QSOX2: variants seen among roughly 807,000 people sequenced by gnomAD.
QSOX2 encodes quiescin sulfhydryl oxidase 2, also known as sulfhydryl oxidase 2.
Under a neutral mutation model 61.7 loss-of-function variants are expected in QSOX2, and 46 were observed. The observed-to-expected ratio is 0.75, with a 90% CI of 0.59 to 0.95. The LOEUF is 0.95. Among genes scored for constraint, QSOX2 ranks in the 40% least tolerant of loss-of-function variants. The pLI, the probability that QSOX2 is intolerant of heterozygous loss-of-function variation, is 0.00. For missense variants in QSOX2, 879 were observed against 918.9 expected, an observed-to-expected ratio of 0.96 and a Z score of 0.56; for synonymous variants, 383 against 388.4, an observed-to-expected ratio of 0.99 and a Z score of 0.16.
chr9:136,219,350 A>C (rs1831954204), intron 6 of QSOX2, among the ~76,000 whole-genome samples, 186 bp from the exon 7 acceptor site: 1 of 152,192 alleles, frequency 6.6e-6, no homozygotes, highest in African/African-American at 2.4e-5. Flanking sequence ...CTGGGGGATA[A>C]GAGGAGACAC....
chr9:136,235,826 G>A (rs905231210), intron 1 of QSOX2, among the ~76,000 whole-genome samples: 2 of 152,196 alleles, frequency 1.3e-5, no homozygotes, highest in Admixed American at 1.3e-4. Flanking sequence ...CAAGACCACG[G>A]ACTCCGGGCA....
chr9:136,219,254 C>T lies in QSOX2; in HGVS notation c.822-90G>A, dbSNP rs987342419. 2.8e-6 allele frequency: 4 copies of T among 1,445,026 alleles called. No individual in the cohort carries two copies. In the African/African-American group the frequency reaches 4.3e-5, roughly 15 times the overall value. 89.5% of individuals were successfully genotyped at this position (1,445,026 alleles called of 1,614,324 possible). On this transcript the variant is annotated intron_variant, in intron 6 of 11. Coordinates refer to ENST00000358701, the MANE Select transcript of QSOX2 (RefSeq NM_181701.4). ...TGGCATTCAGGACAGCTCTGGGCCA[C>T]CCCTTTCATCCTTTGGGCATTTATT...
intron 9 of QSOX2, 67 bp from the exon 10 acceptor site, chr9:136,215,371 A>C: frequency 1.3e-5 from 13 of 963,052 alleles, no homozygotes; most frequent in East Asian, 6.7e-5. Context: ...AAAACAGTCG[A>C]CAGCTGCCTT....
At chr9:136,227,632 C>G (rs531595883) in intron 1 of QSOX2, among the ~76,000 whole-genome samples, 3 of 152,304 alleles carry the variant, frequency 2.0e-5, no homozygotes, top group African/African-American at 7.2e-5. Context: ...CACAACAAAT[C>G]TCAGCACGTC....
At position 136,209,957 on chromosome 9, in the gene QSOX2, C is replaced by T. The variant is rs1345879303; in HGVS notation, c.1550-682G>A. ...CGCCTCCTAGCTCTCGGAGCCCCTG[C>T]GACCCGACTTGCTGACACCTGGCCA... On this transcript the variant is annotated intron_variant, in intron 11 of 11. Transcript: ENST00000358701. This position sits in a 1 kb window ranked among gnomAD's most constrained non-coding sequence, Gnocchi z 5.6. 4 of 985,304 alleles carry T rather than the reference C, an allele frequency of 4.1e-6. No homozygotes were observed. Among genetic ancestry groups the T allele is most frequent in the Admixed American group, 6.1e-5 (1 of 16,274 alleles). The allele number at this position is 985,304 out of a possible 1,614,324, so 61.0% of individuals were successfully genotyped here.
At chr9:136,217,058 GGGCTTGCTGATTTATTCTGCCTTCC>G (rs1831922645) in intron 8 of QSOX2, among the ~76,000 whole-genome samples, 1 of 152,236 alleles carries the variant, frequency 6.6e-6, no homozygotes, top group African/African-American at 2.4e-5. Context: ...GAGCTGGCGG[GGGCTTGCTGATTTATTCTGCCTTCC>G]TCACGAGGAG....
In QSOX2 at chr9:136,218,738, T is replaced by C; in HGVS notation, c.1027A>G (p.Lys343Glu). 6.2e-7 allele frequency: 1 copy of C among 1,613,702 alleles called. No individual in the cohort carries two copies. The change falls in exon 8 of 12, where the codon AAG becomes GAG. Residue 343 changes from lysine (K) to glutamate (E), a missense_variant. By Grantham distance (56) the Lys-to-Glu change is moderately conservative. Coordinates refer to ENST00000358701, the MANE Select transcript of QSOX2 (RefSeq NM_181701.4). ...TTCAGCTCTGCTCCGGCCAGGGACT[T>C]GTGGGCTGCCAGCTCCACCCGCAGG... ...YLLRVELAAHKSLAGAELKTL... is the reference protein window; with the variant it reads ...YLLRVELAAHESLAGAELKTL...
At position 136,218,740 on chromosome 9, in the gene QSOX2, T is replaced by A; in HGVS notation, c.1025A>T (p.His342Leu). 3.1e-6 allele frequency: 5 copies of A among 1,613,676 alleles called. No individual in the cohort carries two copies. The highest frequency in any genetic ancestry group is 4.2e-6 in the Non-Finnish European group (5 of 1,180,018). Residue 342 changes from histidine to leucine, a missense_variant, in exon 8 of 12, where the codon CAC becomes CTC. By Grantham distance (99) the His-to-Leu change is moderately conservative. Coordinates refer to ENST00000358701, the MANE Select transcript of QSOX2 (RefSeq NM_181701.4). ...CAGCTCTGCTCCGGCCAGGGACTTG[T>A]GGGCTGCCAGCTCCACCCGCAGGAG... ...HYLLRVELAA[H>L]KSLAGAELKT...
At chr9:136,233,069 G>A (rs1345135333) in intron 1 of QSOX2, among the ~76,000 whole-genome samples, 1 of 152,044 alleles carries the variant, frequency 6.6e-6, no homozygotes, top group African/African-American at 2.4e-5. Flanking sequence ...GAAGAGGAGC[G>A]AGCACCAGTC....
At chr9:136,210,893 T>C in intron 11 of QSOX2, 3 of 985,260 alleles carry the variant, frequency 3.0e-6, no homozygotes, top group Non-Finnish European at 2.4e-6. Context: ...ACAACAGATT[T>C]CCATACTACT....
At chr9:136,228,010 C>T (rs572212175) in intron 1 of QSOX2, among the ~76,000 whole-genome samples, 2 of 152,230 alleles carry the variant, frequency 1.3e-5, no homozygotes, top group East Asian at 1.9e-4. Context: ...AAGATCCCAG[C>T]GAGGCTTGTT....
chr9:136,245,157 G>A (rs1163194297), intron 1 of QSOX2, among the ~76,000 whole-genome samples: 1 of 152,136 alleles, frequency 6.6e-6, no homozygotes, highest in African/African-American at 2.4e-5. Flanking sequence ...CTGGGATACG[G>A]GAGGGCTTCC....
At chr9:136,238,037 TC>T (rs1409152702) in intron 1 of QSOX2, among the ~76,000 whole-genome samples, 3 of 152,164 alleles carry the variant, frequency 2.0e-5, no homozygotes, top group African/African-American at 7.2e-5. Flanking sequence ...GTCGGCGAGC[TC>T]ACGAGTAACC....
chr9:136,225,687 G>A (rs1412169161), intron 2 of QSOX2, among the ~76,000 whole-genome samples: 1 of 152,244 alleles, frequency 6.6e-6, no homozygotes, highest in Non-Finnish European at 1.5e-5. Flanking sequence ...GCCCGGGAAG[G>A]CGCACAGCAG....
intron 11 of QSOX2, chr9:136,210,265 G>A (rs1564288743): frequency 1.0e-6 from 1 of 985,498 alleles, no homozygotes; most frequent in African/African-American, 1.7e-5. Context: ...CAGGAGCTTG[G>A]GTCTCAATGC....
intron 1 of QSOX2, among the ~76,000 whole-genome samples, chr9:136,235,702 C>T (rs1458359437): frequency 1.3e-5 from 2 of 152,212 alleles, no homozygotes; most frequent in Admixed American, 1.3e-4. Context: ...TGAAGACCAC[C>T]TGCTCCCCTC....
intron 8 of QSOX2, among the ~76,000 whole-genome samples, chr9:136,217,990 A>G (rs914336557): frequency 7.9e-5 from 12 of 152,226 alleles, no homozygotes; most frequent in African/African-American, 2.9e-4. Context: ...AAATTATTCT[A>G]TCATGCATCT....
Position 136,207,752 on chromosome 9 carries a change from G to T in QSOX2, c.*976C>A, listed in dbSNP as rs1831786335. 1 of 152,328 alleles carries T rather than the reference G, an allele frequency of 6.6e-6. No individual in the cohort carries two copies. The highest frequency in any genetic ancestry group is 2.1e-4 in the South Asian group (1 of 4,834). 9.4% of individuals were successfully genotyped at this position (152,328 alleles called of 1,614,324 possible). On this transcript the variant is annotated 3_prime_UTR_variant, in exon 12 of 12. Coordinates refer to ENST00000358701, the MANE Select transcript of QSOX2 (RefSeq NM_181701.4). The stretch of plus-strand genomic sequence containing the variant: ...GCTGGGTGAAGAGCAGACGACAGGG[G>T]GGGCTTTAGAAGTCTCCCTGGGGCC...
At chr9:136,245,198 G>A (rs115266312) in intron 1 of QSOX2, among the ~76,000 whole-genome samples, 88 of 152,306 alleles carry the variant, frequency 5.8e-4, no homozygotes, top group African/African-American at 2.1e-3. Context: ...AGGGCTGCGG[G>A]AGAATGGTTT....
Sources: allele counts gnomAD v4.1 joint callset (sites outside exome capture counted in the v4.1 genomes callset), GRCh38; gene constraint gnomAD v4.1.1; non-coding constraint Gnocchi (gnomAD v3.1); transcripts MANE v1.5; gene names NCBI Gene and HGNC (gene_info 2026-07-23, HGNC 2026-07-21).